GABRA2: variants seen among roughly 807,000 people sequenced by gnomAD.
GABRA2 encodes the protein gamma-aminobutyric acid receptor subunit alpha-2.
GABRA2 carries 16 observed loss-of-function variants against 48.7 expected under a neutral mutation model. The observed-to-expected ratio is 0.33, with a 90% CI of 0.22 to 0.50. The LOEUF (loss-of-function observed/expected upper bound fraction) is 0.50. Among genes scored for constraint, GABRA2 ranks in the 20% least tolerant of loss-of-function variants. GABRA2 has a pLI of 0.98. For missense variants in GABRA2, 275 were observed against 535.6 expected (o/e 0.51, Z 4.80); for synonymous variants, 185 against 184.5 (o/e 1.00, Z -0.02).
At chr4:46,372,064 TAACC>T (rs1440894676) in intron 3 of GABRA2, among the ~76,000 whole-genome samples, 1 of 152,168 alleles carries the variant, frequency 6.6e-6, no homozygotes, top group Non-Finnish European at 1.5e-5. Flanking sequence ...ATGTTAATAA[TAACC>T]AACCAGGTTA....
chr4:46,321,437 T>G (rs1258022278), intron 4 of GABRA2, among the ~76,000 whole-genome samples: 2 of 152,060 alleles, frequency 1.3e-5, no homozygotes, highest in Non-Finnish European at 2.9e-5. Context: ...CCACTTACTA[T>G]TATAAGTGCA....
intron 3 of GABRA2, among the ~76,000 whole-genome samples, chr4:46,344,315 G>C (rs1319855411): frequency 2.6e-5 from 4 of 151,868 alleles, no homozygotes; most frequent in South Asian, 4.2e-4. Context: ...TGATGCTGCT[G>C]AGAGATCCAG....
chr4:46,252,727 A>C (rs867703579), intron 9 of GABRA2, among the ~76,000 whole-genome samples: 1 of 151,470 alleles, frequency 6.6e-6, no homozygotes, highest in Non-Finnish European at 1.5e-5. Context: ...CTTATAATGT[A>C]TATAACATAT....
intron 3 of GABRA2, among the ~76,000 whole-genome samples, chr4:46,347,407 G>A (rs879276282): frequency 2.0e-5 from 3 of 151,826 alleles, no homozygotes; most frequent in Non-Finnish European, 4.4e-5. Context: ...ATCAACCAAT[G>A]GAATAGGATA....
intron 8 of GABRA2, chr4:46,303,151 C>CAA (rs55754015): frequency 3.3e-4 from 69 of 211,672 alleles, no homozygotes; most frequent in East Asian, 5.7e-4. Context: ...ATTTTTTGAG[C>CAA]AAAAAAAAAA....
intron 4 of GABRA2, among the ~76,000 whole-genome samples, chr4:46,323,729 C>T (rs556596176): frequency 6.9e-6 from 1 of 144,972 alleles, no homozygotes; most frequent in Non-Finnish European, 1.5e-5. Context: ...CTGTGTACAA[C>T]ATCATTAAAA....
In GABRA2 at chr4:46,244,671, A is replaced by C. The variant is rs1713375021; in HGVS notation, c.*5637T>G. Among the ~76,000 whole-genome samples the C allele has an allele frequency of 6.6e-6, 1 of 151,526 alleles. No individual in the cohort carries two copies. The highest frequency in any genetic ancestry group is 1.5e-5 in the Non-Finnish European group (1 of 67,634). ...ATGAAAACACATCTCTCCAACCACT[A>C]ATAAAACTGGCAAAATTAGAAAAAA... is the stretch of plus-strand genomic sequence containing the variant. On this transcript the variant is annotated 3_prime_UTR_variant, in exon 10 of 10. Coordinates refer to ENST00000381620, the MANE Select transcript of GABRA2 (RefSeq NM_000807.4).
chr4:46,288,327 G>A (rs2109513766), intron 8 of GABRA2, among the ~76,000 whole-genome samples: 1 of 152,262 alleles, frequency 6.6e-6, no homozygotes, highest in East Asian at 1.9e-4. Flanking sequence ...AGAATTTGCT[G>A]AAGTTGTTTC....
chr4:46,264,101 G>C (rs1717618162), intron 8 of GABRA2, among the ~76,000 whole-genome samples: 1 of 151,892 alleles, frequency 6.6e-6, no homozygotes, highest in Admixed American at 6.6e-5. Context: ...AAATGGAATG[G>C]TTTTCTTAAC....
intron 8 of GABRA2, among the ~76,000 whole-genome samples, chr4:46,298,696 C>T (rs1725195254): frequency 6.6e-6 from 1 of 151,818 alleles, no homozygotes; most frequent in Non-Finnish European, 1.5e-5. Context: ...GAAAAATTAC[C>T]ATAATGAAAT....
intron 8 of GABRA2, among the ~76,000 whole-genome samples, chr4:46,277,053 G>T (rs1006503741): frequency 8.6e-5 from 13 of 151,842 alleles, no homozygotes; most frequent in Non-Finnish European, 1.9e-4. Flanking sequence ...TCCCCCCTAT[G>T]TCCTTACTGT....
intron 8 of GABRA2, among the ~76,000 whole-genome samples, chr4:46,274,735 C>T (rs1720148009): frequency 6.6e-6 from 1 of 152,098 alleles, no homozygotes; most frequent in Non-Finnish European, 1.5e-5. Context: ...GTGGCTTTAT[C>T]TCTAAAATGG....
chr4:46,251,783 T>G (rs977458997), intron 9 of GABRA2, among the ~76,000 whole-genome samples: 2 of 151,516 alleles, frequency 1.3e-5, no homozygotes, highest in South Asian at 4.1e-4. Flanking sequence ...TCTCATTCAA[T>G]GAAGGCTGGT....
chr4:46,255,003 C>T (rs1715521523), intron 9 of GABRA2, among the ~76,000 whole-genome samples: 1 of 151,560 alleles, frequency 6.6e-6, no homozygotes. Flanking sequence ...GTCACATCGA[C>T]CAAGACAACA....
chr4:46,358,116 T>C (rs1288902440), intron 3 of GABRA2, among the ~76,000 whole-genome samples: 1 of 152,132 alleles, frequency 6.6e-6, no homozygotes, highest in Non-Finnish European at 1.5e-5. Flanking sequence ...TGAGGAATGA[T>C]GATGATAATG....
intron 5 of GABRA2, among the ~76,000 whole-genome samples, chr4:46,311,610 A>G (rs1327446793): frequency 6.6e-6 from 1 of 152,140 alleles, no homozygotes; most frequent in African/African-American, 2.4e-5. Context: ...CTGCAAGAAA[A>G]TTTTATTACA....
chr4:46,369,768 T>C (rs1442558368), intron 3 of GABRA2, among the ~76,000 whole-genome samples: 1 of 152,186 alleles, frequency 6.6e-6, no homozygotes. Flanking sequence ...AATAGATGTA[T>C]GATAGAATTA....
At chr4:46,275,993 T>C (rs535889617) in intron 8 of GABRA2, among the ~76,000 whole-genome samples, 2 of 152,142 alleles carry the variant, frequency 1.3e-5, no homozygotes, top group Admixed American at 1.3e-4. Flanking sequence ...AGTGATAACC[T>C]TAGCCTTATA....
At chr4:46,355,347 T>C (rs990871246) in intron 3 of GABRA2, among the ~76,000 whole-genome samples, 1 of 152,180 alleles carries the variant, frequency 6.6e-6, no homozygotes, top group Non-Finnish European at 1.5e-5. Context: ...TCCATCATGC[T>C]TTAAAAATAC....
Sources: allele counts gnomAD v4.1 joint callset (sites outside exome capture counted in the v4.1 genomes callset), GRCh38; gene constraint gnomAD v4.1.1; transcripts MANE v1.5; gene names NCBI Gene and HGNC (gene_info 2026-07-23, HGNC 2026-07-21).